The following CLHC1 variants were observed in gnomAD, a reference collection of about 807,000 sequenced individuals.
The protein encoded by CLHC1 is clathrin heavy chain linker domain-containing protein 1.
CLHC1 carries 72 observed loss-of-function variants against 69.5 expected under a neutral mutation model. The ratio of observed to expected loss-of-function variants is 1.04; its 90% CI spans 0.86 to 1.26. The LOEUF (loss-of-function observed/expected upper bound fraction) is 1.26, where lower values mean the gene tolerates loss of function less well. CLHC1 is among the 50% of genes most tolerant of loss of function. The pLI, the probability that CLHC1 is intolerant of heterozygous loss-of-function variation, is 0.00. For synonymous variants in CLHC1, 223 were observed against 224.3 expected (o/e 0.99, Z 0.05); for missense variants, 790 against 679.3 (o/e 1.16, Z -1.81).
rs997036504 is a variant in CLHC1, at chr2:55,227,445, C to T, written c.-83+587G>A. Among the ~76,000 whole-genome samples, 10 of 151,814 alleles carry T rather than the reference C, an allele frequency of 6.6e-5. No homozygotes were observed. The South Asian group carries it at 1.3e-3, about 19-fold the overall frequency. ...CTATAATCCCAGCACTTTGGGAGGC[C>T]GAGGCAGGCAGATCACGAGATCAGG... On this transcript the variant is annotated intron_variant, in intron 2 of 12. Coordinates refer to ENST00000401408, the MANE Select transcript of CLHC1 (RefSeq NM_152385.4).
chr2:55,196,454 T>C (rs1249371332), intron 9 of CLHC1, among the ~76,000 whole-genome samples: 1 of 152,006 alleles, frequency 6.6e-6, no homozygotes, highest in African/African-American at 2.4e-5. Context: ...GGAGAGGAGA[T>C]GGAAGAGTAA....
At chr2:55,191,416 AG>A (rs756908837) in intron 9 of CLHC1, among the ~76,000 whole-genome samples, 6 of 152,104 alleles carry the variant, frequency 3.9e-5, no homozygotes, top group Non-Finnish European at 7.4e-5. Flanking sequence ...TTGTATTTTT[AG>A]TAGAGACGGG....
rs1273307663 is a variant in CLHC1, at chr2:55,173,860, GC to G, written c.*1929del. ...TAATAATGAGAAAAGGAAAAACAAG[GC>G]AAAATTAGAATAACAACAACAACCG... On this transcript the variant is annotated 3_prime_UTR_variant, in exon 13 of 13. Coordinates refer to ENST00000401408, the MANE Select transcript of CLHC1 (RefSeq NM_152385.4). 1.3e-5 allele frequency among the ~76,000 whole-genome samples: 2 copies of G among 152,046 alleles called. No individual in the cohort carries two copies. The highest frequency in any genetic ancestry group is 4.8e-5 in the African/African-American group (2 of 41,386).
intron 1 of CLHC1, among the ~76,000 whole-genome samples, chr2:55,230,397 GTGTT>G (rs1446957778): frequency 2.0e-5 from 3 of 152,230 alleles, no homozygotes; most frequent in African/African-American, 7.2e-5. Context: ...ATGAGATTAA[GTGTT>G]TGGGGCCTGT....
At chr2:55,215,458 T>C (rs914485927) in intron 4 of CLHC1, among the ~76,000 whole-genome samples, 1 of 152,222 alleles carries the variant, frequency 6.6e-6, no homozygotes. Context: ...CTTGTATATA[T>C]AGTTCAAGGA....
intron 1 of CLHC1, among the ~76,000 whole-genome samples, chr2:55,230,452 G>A (rs982488675): frequency 1.3e-5 from 2 of 152,226 alleles, no homozygotes; most frequent in Non-Finnish European, 2.9e-5. Flanking sequence ...ATGTGAAGAT[G>A]AAGTTGTGAC....
At chr2:55,231,351 T>A (rs1208255735) in intron 1 of CLHC1, among the ~76,000 whole-genome samples, 1 of 152,088 alleles carries the variant, frequency 6.6e-6, no homozygotes, top group Non-Finnish European at 1.5e-5. Context: ...ATTAGCTTCA[T>A]TTACTAAAAT....
intron 3 of CLHC1, among the ~76,000 whole-genome samples, chr2:55,219,807 T>A (rs1157045274): frequency 6.6e-6 from 1 of 152,098 alleles, no homozygotes. Flanking sequence ...CCACCTCAGC[T>A]CCTCCATATG....
chr2:55,219,361 A>C (rs982317774), intron 3 of CLHC1, among the ~76,000 whole-genome samples: 15 of 152,348 alleles, frequency 9.8e-5, no homozygotes, highest in African/African-American at 3.6e-4. Context: ...AGAAATATGC[A>C]AACTGGCATA....
At chr2:55,210,816 A>ACT (rs920141893) in intron 5 of CLHC1, among the ~76,000 whole-genome samples, 2 of 151,628 alleles carry the variant, frequency 1.3e-5, no homozygotes, top group African/African-American at 4.9e-5. Flanking sequence ...ATTATTCATA[A>ACT]CTCTCTCTCT....
At chr2:55,222,940 A>G (rs1674293126) in intron 2 of CLHC1, among the ~76,000 whole-genome samples, 1 of 151,282 alleles carries the variant, frequency 6.6e-6, no homozygotes, top group African/African-American at 2.4e-5. Flanking sequence ...AAAAAAAAAA[A>G]AAGTCTATGC....
At position 55,175,991 on chromosome 2, in the gene CLHC1, G is replaced by A; in HGVS notation, c.1565-5C>T. The A allele has an allele frequency of 1.2e-6, 2 of 1,608,456 alleles. No individual in the cohort carries two copies. Among genetic ancestry groups the A allele is most frequent in the Admixed American group, 1.7e-5 (1 of 59,452 alleles). ...TCATAAGACTTTCTACTGCATCTGTGGGGAAAAAATACAATATTATAGTAT... is the reference window on the plus strand; with the variant it reads ...TCATAAGACTTTCTACTGCATCTGTAGGGAAAAAATACAATATTATAGTAT... On this transcript the variant is annotated splice_polypyrimidine_tract_variant and splice_region_variant and intron_variant, in intron 12 of 12. Coordinates refer to ENST00000401408, the MANE Select transcript of CLHC1 (RefSeq NM_152385.4).
rs1263735802 is a variant in CLHC1, at chr2:55,190,806, A to G, written c.1007-9062T>C. 2.0e-5 allele frequency among the ~76,000 whole-genome samples: 3 copies of G among 152,274 alleles called. No individual in the cohort carries two copies. In the East Asian group the frequency reaches 5.8e-4, roughly 29 times the overall value. On this transcript the variant is annotated intron_variant, in intron 9 of 12. Coordinates refer to ENST00000401408, the MANE Select transcript of CLHC1 (RefSeq NM_152385.4). ...GGAGAAGGGAGGCTGGGGCAGAAAC[A>G]TATTTGAAAAATAATGGCTATGTAT...
At chr2:55,203,867 G>A (rs897385265) in intron 9 of CLHC1, among the ~76,000 whole-genome samples, 1 of 152,142 alleles carries the variant, frequency 6.6e-6, no homozygotes, top group African/African-American at 2.4e-5. Context: ...ACGAAGTGAA[G>A]AGACAACCCA....
At chr2:55,191,704 A>T (rs1010763674) in intron 9 of CLHC1, among the ~76,000 whole-genome samples, 12 of 152,200 alleles carry the variant, frequency 7.9e-5, no homozygotes, top group African/African-American at 2.9e-4. Flanking sequence ...CACAACCAAA[A>T]TAAGACAATA....
intron 9 of CLHC1, among the ~76,000 whole-genome samples, chr2:55,186,045 A>G (rs1416320200): frequency 2.0e-5 from 3 of 152,234 alleles, no homozygotes; most frequent in Non-Finnish European, 4.4e-5. Context: ...TAAGACTCTG[A>G]AAACATGACA....
chr2:55,198,502 T>A (rs1327678487), intron 9 of CLHC1, among the ~76,000 whole-genome samples: 2 of 152,078 alleles, frequency 1.3e-5, no homozygotes, highest in South Asian at 4.1e-4. Context: ...GGAGAATCGC[T>A]TGAACCCAGG....
rs991218348 is a variant in CLHC1, at chr2:55,226,184, T to G, written c.-83+1848A>C. Among the ~76,000 whole-genome samples, 5 of 101,314 alleles carry G rather than the reference T, an allele frequency of 4.9e-5. 2 individuals are homozygous for G. In the Admixed American group the frequency reaches 5.3e-4, roughly 11 times the overall value. 66.5% of individuals were successfully genotyped at this position (101,314 alleles called of 152,430 possible). On this transcript the variant is annotated intron_variant, in intron 2 of 12. Coordinates refer to ENST00000401408, the MANE Select transcript of CLHC1 (RefSeq NM_152385.4). ...TCCAGCCTGGGCAACTGAGCGAGAC[T>G]CCATTTCAAAAAAAAAAAAAGAGAA...
In CLHC1 at chr2:55,177,670, T is replaced by C. The variant is rs767806848; in HGVS notation, c.1496A>G (p.His499Arg). 3 of 1,612,926 alleles carry C rather than the reference T, an allele frequency of 1.9e-6. No individual in the cohort carries two copies. Among genetic ancestry groups the C allele is most frequent in the African/African-American group, 2.7e-5 (2 of 74,888 alleles). ...PSLSFGLAIL[H>R]LFSADMKKVG... is the part of the protein sequence containing the mutation. ...TTTTTTCATGTCTGCAGAGAACAGA[T>C]GAAGTATAGCAAGACCAAAAGATAA... The change falls in exon 12 of 13, where the codon CAT becomes CGT. Residue 499 changes from histidine (H) to arginine (R), a missense_variant. Physicochemically the swap from His to Arg is conservative, Grantham distance 29 (BLOSUM62 0). Transcript: ENST00000401408.
Sources: allele counts gnomAD v4.1 joint callset (sites outside exome capture counted in the v4.1 genomes callset), GRCh38; gene constraint gnomAD v4.1.1; transcripts MANE v1.5; gene names NCBI Gene and HGNC (gene_info 2026-07-23, HGNC 2026-07-21).